The following RAPH1 variants were observed in gnomAD, a reference collection of about 807,000 sequenced individuals.
RAPH1 encodes the protein Ras association (RalGDS/AF-6) and pleckstrin homology domains 1.
A neutral mutation model predicts 88.1 loss-of-function variants in RAPH1; 18 were observed. The ratio of observed to expected loss-of-function variants is 0.20; its 90% CI spans 0.14 to 0.30. The LOEUF is 0.30. RAPH1 is among the 10% of genes least tolerant of loss of function. The probability of loss-of-function intolerance (pLI) is 1.00; values close to 1 mark genes in which losing one functional copy is unlikely to be tolerated. For synonymous variants in RAPH1, 587 were observed against 559.0 expected, an observed-to-expected ratio of 1.05 and a Z score of -0.71; for missense variants, 1,448 against 1,543.2, an observed-to-expected ratio of 0.94 and a Z score of 1.03.
chr2:203,477,799 CAGTA>C (rs1423815079), intron 4 of RAPH1, among the ~76,000 whole-genome samples: 2 of 152,104 alleles, frequency 1.3e-5, no homozygotes, highest in Non-Finnish European at 1.5e-5. Context: ...CTCAACTAAT[CAGTA>C]CATTGGGGGT....
rs139986949 is a variant in RAPH1, at chr2:203,527,767, T to C, written c.-1+7344A>G. 8.8e-4 allele frequency among the ~76,000 whole-genome samples: 109 copies of C among 124,504 alleles called. 1 individual carries two copies. Among genetic ancestry groups the C allele is most frequent in the Middle Eastern group, 6.2e-3 (1 of 162 alleles). The allele number at this position is 124,504 out of a possible 152,430, so 81.7% of individuals were successfully genotyped here. ...GTGAGCCAAGATTGAGCCATTGCAC[T>C]CCAGCCTGGGCAACAACAGTGAAAC... On this transcript the variant is annotated intron_variant, in intron 1 of 13. Coordinates refer to ENST00000319170, the MANE Select transcript of RAPH1 (RefSeq NM_213589.3).
At chr2:203,531,762 G>T (rs983268030) in intron 1 of RAPH1, among the ~76,000 whole-genome samples, 2 of 152,160 alleles carry the variant, frequency 1.3e-5, no homozygotes, top group Non-Finnish European at 2.9e-5. Context: ...AAGATACAGA[G>T]AAACTGGAAC....
At chr2:203,508,375 C>T (rs1183586662) in intron 1 of RAPH1, among the ~76,000 whole-genome samples, 4 of 151,938 alleles carry the variant, frequency 2.6e-5, no homozygotes, top group Non-Finnish European at 5.9e-5. Flanking sequence ...TCAGGTGATC[C>T]GCCTGCCTCG....
intron 9 of RAPH1, 101 bp downstream of exon 9, chr2:203,455,336 G>A (rs2098518459): frequency 1.8e-6 from 2 of 1,138,392 alleles, no homozygotes; most frequent in Non-Finnish European, 2.5e-6. Context: ...TCCACGAACT[G>A]AAACAAATCA....
At chr2:203,475,127 G>A (rs752484945) in intron 4 of RAPH1, among the ~76,000 whole-genome samples, 8 of 152,114 alleles carry the variant, frequency 5.3e-5, no homozygotes, top group Non-Finnish European at 1.2e-4. Flanking sequence ...ATAAAATATG[G>A]CCGGGCGCAG....
intron 1 of RAPH1, among the ~76,000 whole-genome samples, chr2:203,496,855 G>A (rs1014102923): frequency 1.3e-5 from 2 of 152,188 alleles, no homozygotes; most frequent in Non-Finnish European, 2.9e-5. Flanking sequence ...TCTAAAACAC[G>A]AATTTTGTTA....
intron 1 of RAPH1, among the ~76,000 whole-genome samples, chr2:203,522,895 C>CAAAAAACAAAAAAAA (rs1689952846): frequency 1.2e-5 from 1 of 85,842 alleles, no homozygotes; most frequent in Non-Finnish European, 2.2e-5. Context: ...GACTCTGTCT[C>CAAAAAACAAAAAAAA]AAAAAAAAAA....
At chr2:203,502,370 C>T (rs1688773076) in intron 1 of RAPH1, among the ~76,000 whole-genome samples, 1 of 152,122 alleles carries the variant, frequency 6.6e-6, no homozygotes, top group South Asian at 2.1e-4. Context: ...TTCTGACAAC[C>T]CAGGATGTAA....
chr2:203,469,988 TACTTGGGAAG>T (rs943919417), intron 4 of RAPH1, among the ~76,000 whole-genome samples: 9 of 152,324 alleles, frequency 5.9e-5, no homozygotes, highest in African/African-American at 1.9e-4. Flanking sequence ...AAGTGCAACA[TACTTGGGAAG>T]ACTATTAGGC....
At position 203,481,966 on chromosome 2, in the gene RAPH1, A is replaced by G. The variant is rs373529568; in HGVS notation, c.732+7618T>C. The stretch of plus-strand genomic sequence containing the variant: ...TTCACCAGCCCTCCACAAACCCAAA[A>G]CAAAAACAGACCTAAACCTAAAGAT... On this transcript the variant is annotated intron_variant, in intron 4 of 13. Transcript: ENST00000319170. Among the ~76,000 whole-genome samples the G allele has an allele frequency of 2.1e-4, 32 of 151,516 alleles. No homozygotes were observed. In the East Asian group the frequency reaches 5.6e-3, roughly 27 times the overall value.
intron 4 of RAPH1, among the ~76,000 whole-genome samples, chr2:203,472,926 T>C (rs1040171153): frequency 1.3e-5 from 2 of 152,206 alleles, no homozygotes; most frequent in Non-Finnish European, 2.9e-5. Context: ...TAGAAGTCCA[T>C]TTTGAAATAT....
intron 1 of RAPH1, among the ~76,000 whole-genome samples, chr2:203,517,159 A>T (rs1001838543): frequency 3.3e-5 from 5 of 152,208 alleles, no homozygotes; most frequent in Admixed American, 1.3e-4. Flanking sequence ...AAAGTAAACC[A>T]ACAGAGAAAA....
chr2:203,450,897 G>GT (rs561396388), intron 10 of RAPH1, among the ~76,000 whole-genome samples: 6,013 of 141,832 alleles, frequency 0.042, 364 homozygotes, highest in African/African-American at 0.14. Flanking sequence ...CAAAAAGAGG[G>GT]TTTTTTTTTT....
intron 1 of RAPH1, among the ~76,000 whole-genome samples, chr2:203,531,839 C>A (rs1476003022): frequency 1.3e-5 from 2 of 152,082 alleles, no homozygotes; most frequent in Non-Finnish European, 2.9e-5. Context: ...GGCAGTTCCT[C>A]AAAAATTAAA....
intron 13 of RAPH1, chr2:203,444,402 A>G (rs2153634934): frequency 6.9e-6 from 1 of 145,894 alleles, no homozygotes; most frequent in East Asian, 2.1e-4. Flanking sequence ...ACTGCACTCC[A>G]GCCTGGCGAC....
intron 1 of RAPH1, among the ~76,000 whole-genome samples, chr2:203,528,068 T>G (rs758270780): frequency 1.3e-5 from 2 of 152,192 alleles, no homozygotes; most frequent in Non-Finnish European, 1.5e-5. Flanking sequence ...AATTTAAAGA[T>G]GAAGTAAGCA....
At chr2:203,469,852 T>A (rs2098531559) in intron 4 of RAPH1, among the ~76,000 whole-genome samples, 2 of 152,156 alleles carry the variant, frequency 1.3e-5, no homozygotes, top group African/African-American at 4.8e-5. Flanking sequence ...GAGGTGATAA[T>A]ATAAACAAGA....
At chr2:203,452,967 C>A (rs2098516113) in intron 10 of RAPH1, among the ~76,000 whole-genome samples, 1 of 152,060 alleles carries the variant, frequency 6.6e-6, no homozygotes, top group Non-Finnish European at 1.5e-5. Flanking sequence ...TAGACAAACA[C>A]ACATTACACT....
At chr2:203,519,250 C>T (rs1048380025) in intron 1 of RAPH1, among the ~76,000 whole-genome samples, 1 of 152,092 alleles carries the variant, frequency 6.6e-6, no homozygotes, top group Non-Finnish European at 1.5e-5. Flanking sequence ...TCCTCAACAA[C>T]ATATTAACAA....
Sources: allele counts gnomAD v4.1 joint callset (sites outside exome capture counted in the v4.1 genomes callset), GRCh38; gene constraint gnomAD v4.1.1; transcripts MANE v1.5; gene names NCBI Gene and HGNC (gene_info 2026-07-23, HGNC 2026-07-21).